Variants in NCKAP5 observed in about 807,000 individuals in gnomAD.
NCKAP5 encodes NCK associated protein 5, also known as nck-associated protein 5.
NCKAP5 carries 92 observed loss-of-function variants against 167.0 expected under a neutral mutation model. The observed-to-expected ratio is 0.55, with a 90% CI of 0.47 to 0.66. NCKAP5 has a LOEUF of 0.66. Among genes scored for constraint, NCKAP5 ranks in the 30% least tolerant of loss-of-function variants. The probability of loss-of-function intolerance (pLI) is 0.00; values close to 1 mark genes in which losing one functional copy is unlikely to be tolerated. For synonymous variants in NCKAP5, 891 were observed against 877.4 expected (o/e 1.02, Z -0.27); for missense variants, 2,378 against 2,315.0 (o/e 1.03, Z -0.56).
chr2:133,356,596 G>A (rs750101401), intron 3 of NCKAP5, among the ~76,000 whole-genome samples: 23 of 152,142 alleles, frequency 1.5e-4, no homozygotes, highest in Admixed American at 4.6e-4. Context: ...CTGCAGGACC[G>A]TAGGAAAGGA....
At chr2:133,515,519 C>T (rs892480930) in intron 3 of NCKAP5, among the ~76,000 whole-genome samples, 5 of 152,270 alleles carry the variant, frequency 3.3e-5, no homozygotes, top group Middle Eastern at 3.4e-3. Context: ...TTAAGTCTCT[C>T]AGGTGGTGCC....
chr2:133,530,798 G>T (rs1575112855), intron 2 of NCKAP5, among the ~76,000 whole-genome samples: 1 of 152,226 alleles, frequency 6.6e-6, no homozygotes, highest in East Asian at 1.9e-4. Flanking sequence ...TGAACCCTCA[G>T]GCTATCATAC....
At chr2:133,278,495 C>T (rs1442792420) in intron 4 of NCKAP5, among the ~76,000 whole-genome samples, 1 of 152,118 alleles carries the variant, frequency 6.6e-6, no homozygotes, top group Non-Finnish European at 1.5e-5. Flanking sequence ...TTTTCAAGGA[C>T]CTGTGATTAC....
chr2:133,600,842 G>A, the NCKAP5 span, among the ~76,000 whole-genome samples: 2 of 152,202 alleles, frequency 1.3e-5, no homozygotes, highest in Non-Finnish European at 2.9e-5. Context: ...CTTAGAAGGG[G>A]TCACTGATTT....
At chr2:133,262,438 C>T (rs2088955383) in intron 4 of NCKAP5, among the ~76,000 whole-genome samples, 1 of 152,206 alleles carries the variant, frequency 6.6e-6, no homozygotes, top group African/African-American at 2.4e-5. Context: ...AAGCCCTTCC[C>T]ACCTGCTACA....
At chr2:132,835,326 G>A (rs1219564872) in intron 11 of NCKAP5, among the ~76,000 whole-genome samples, 1 of 152,084 alleles carries the variant, frequency 6.6e-6, no homozygotes, top group Non-Finnish European at 1.5e-5. Flanking sequence ...GATGATACAA[G>A]CCTCATAGAA....
chr2:133,460,360 TAAG>T (rs1692128937), intron 3 of NCKAP5, among the ~76,000 whole-genome samples: 4 of 152,154 alleles, frequency 2.6e-5, no homozygotes, highest in African/African-American at 2.4e-5. Context: ...GAATAAATCT[TAAG>T]AAGAAGGCCA....
In NCKAP5 at chr2:133,213,794, A is replaced by C; in HGVS notation, c.144-15T>G. The C allele has an allele frequency of 1.2e-6, 2 of 1,613,558 alleles. No homozygotes were observed. The highest frequency in any genetic ancestry group is 1.7e-6 in the Non-Finnish European group (2 of 1,179,628). ...CCAACTTCTCCCTGAAGAAACAAAAACACATGATTAGTTGACCATTCTCAG... is the reference window on the plus strand; with the variant it reads ...CCAACTTCTCCCTGAAGAAACAAAACCACATGATTAGTTGACCATTCTCAG... On this transcript the variant is annotated splice_polypyrimidine_tract_variant and intron_variant, in intron 4 of 19. Transcript: ENST00000409261.
chr2:132,869,947 T>G (rs1315934892), intron 9 of NCKAP5, among the ~76,000 whole-genome samples: 1 of 152,176 alleles, frequency 6.6e-6, no homozygotes, highest in Non-Finnish European at 1.5e-5. Flanking sequence ...ATATAATTCT[T>G]AGTAATTTTT....
intron 6 of NCKAP5, among the ~76,000 whole-genome samples, chr2:133,040,012 C>G (rs1190971237): frequency 6.6e-6 from 1 of 152,056 alleles, no homozygotes; most frequent in Non-Finnish European, 1.5e-5. Flanking sequence ...ATTACTTTCT[C>G]CAAACACTGA....
At chr2:133,564,222 C>T (rs1688384873) in intron 1 of NCKAP5, among the ~76,000 whole-genome samples, 2 of 152,160 alleles carry the variant, frequency 1.3e-5, no homozygotes, top group South Asian at 4.1e-4. Flanking sequence ...CTTAACCTTT[C>T]TGAGCATCAG....
chr2:133,399,382 G>C (rs371505415), intron 3 of NCKAP5, among the ~76,000 whole-genome samples: 1 of 147,466 alleles, frequency 6.8e-6, no homozygotes. Flanking sequence ...TTGACCCTAA[G>C]ATTAAAAAAA....
chr2:133,178,408 G>C (rs2084564694), intron 5 of NCKAP5, among the ~76,000 whole-genome samples: 1 of 150,188 alleles, frequency 6.7e-6, no homozygotes, highest in African/African-American at 2.5e-5. Flanking sequence ...AGGAGGCTGA[G>C]GCTGGAGAAT....
Position 132,785,700 on chromosome 2 carries a change from C to T in NCKAP5, c.1111G>A (p.Asp371Asn), listed in dbSNP as rs774125917. 6.0e-6 allele frequency: 9 copies of T among 1,492,352 alleles called. No individual in the cohort carries two copies. Among genetic ancestry groups the T allele is most frequent in the Non-Finnish European group, 8.0e-6 (9 of 1,122,056 alleles). The allele number at this position is 1,492,352 out of a possible 1,614,324, so 92.4% of individuals were successfully genotyped here. A position where few individuals can be genotyped will look rare whatever the true frequency, so the allele number is the denominator to read the frequency against. Reference protein sequence around the residue: ...LRKRQSSQNWDKRLSIDSSLP... With the variant: ...LRKRQSSQNWNKRLSIDSSLP... ...GAAGAATCAATACTTAGCCTTTTAT[C>T]CCAGTTTTGTGATGATTGCTAGGAA... The change falls in exon 14 of 20, where the codon GAT (aspartate) becomes AAT (asparagine). Residue 371 changes from aspartate to asparagine, a missense_variant. By Grantham distance (23) the Asp-to-Asn change is conservative. Around this residue, in one of 3 missense-constraint regions of NCKAP5, gnomAD observed 1,049 missense variants for 1,023.4 expected, o/e 1.02. Transcript: ENST00000409261.
chr2:133,039,239 G>A (rs1303617304), intron 6 of NCKAP5, among the ~76,000 whole-genome samples: 1 of 152,186 alleles, frequency 6.6e-6, no homozygotes, highest in African/African-American at 2.4e-5. Flanking sequence ...TAGGTAATAA[G>A]CCAAATGCAG....
intron 6 of NCKAP5, among the ~76,000 whole-genome samples, chr2:133,053,765 A>C (rs1406994824): frequency 6.6e-6 from 1 of 152,206 alleles, no homozygotes; most frequent in Non-Finnish European, 1.5e-5. Context: ...GGTTTTAGTT[A>C]CTAAGGAAAC....
chr2:133,416,106 A>C (rs1030398947), intron 3 of NCKAP5, among the ~76,000 whole-genome samples: 3 of 152,164 alleles, frequency 2.0e-5, no homozygotes, highest in African/African-American at 7.2e-5. Context: ...GGTCTCTCCT[A>C]CCTCTTCATA....
intron 11 of NCKAP5, among the ~76,000 whole-genome samples, chr2:132,829,159 G>A (rs1687342355): frequency 6.6e-6 from 1 of 152,218 alleles, no homozygotes; most frequent in Non-Finnish European, 1.5e-5. Flanking sequence ...GTAATAATGA[G>A]TATAATACAA....
rs1051992006 is a variant in NCKAP5, at chr2:132,864,459, C to G, written c.688-3848G>C. Among the ~76,000 whole-genome samples the G allele has an allele frequency of 3.1e-4, 47 of 152,146 alleles. 1 individual carries two copies. The highest frequency in any genetic ancestry group is 1.1e-3 in the African/African-American group (46 of 41,434). ...TTGGAAACAGAGACTTAAGAGATTA[C>G]AGCTGAGCAATGTGATACACTGGTC... On this transcript the variant is annotated intron_variant, in intron 10 of 19. Transcript: ENST00000409261.
Sources: gnomAD v4.1 joint callset for allele counts (sites outside exome capture counted in the v4.1 genomes callset) on GRCh38, gnomAD v4.1.1 for gene constraint, gnomAD v4.1.1 regional missense constraint, MANE v1.5 for transcripts, NCBI Gene and HGNC (gene_info 2026-07-23, HGNC 2026-07-21) for gene names.